TES: variants seen among roughly 807,000 people sequenced by gnomAD.
TES encodes the protein testin LIM domain protein.
Under a neutral mutation model 48.2 loss-of-function variants are expected in TES, and 41 were observed. That is an observed-to-expected ratio of 0.85 (90% CI 0.66 to 1.10). TES has a LOEUF of 1.10. TES is among the 50% of genes least tolerant of loss of function. The probability of loss-of-function intolerance (pLI) is 0.00; values close to 1 mark genes in which losing one functional copy is unlikely to be tolerated. For missense variants in TES, 463 were observed against 515.1 expected (o/e 0.90, Z 0.98); for synonymous variants, 162 against 174.9 (o/e 0.93, Z 0.58).
At chr7:116,242,922 C>A (rs1188637290) in intron 2 of TES, among the ~76,000 whole-genome samples, 1 of 152,056 alleles carries the variant, frequency 6.6e-6, no homozygotes, top group African/African-American at 2.4e-5. Flanking sequence ...AGGTTGCTTT[C>A]TTGCTTCACA....
intron 1 of TES, among the ~76,000 whole-genome samples, chr7:116,227,088 TTTTATTTATTTATTTATTTATTTATTTA>T (rs10562977): frequency 2.1e-5 from 3 of 140,172 alleles, no homozygotes; most frequent in Non-Finnish European, 4.6e-5. Flanking sequence ...ACACTTTTTA[TTTTATTTATTTATTTATTTATTTATTTA>T]TTTATTTATT....
At chr7:116,214,545 G>A (rs758907386) in intron 1 of TES, among the ~76,000 whole-genome samples, 5 of 152,172 alleles carry the variant, frequency 3.3e-5, no homozygotes, top group Non-Finnish European at 5.9e-5. Flanking sequence ...AGAAGAAAAT[G>A]AGTGGTCCTC....
intron 2 of TES, among the ~76,000 whole-genome samples, chr7:116,245,253 C>G (rs1230837652): frequency 6.6e-6 from 1 of 152,126 alleles, no homozygotes; most frequent in Non-Finnish European, 1.5e-5. Flanking sequence ...AACTTTTATC[C>G]TCCGTCACCT....
At chr7:116,238,121 A>G (rs1417815256) in intron 2 of TES, 1 of 152,160 alleles carries the variant, frequency 6.6e-6, no homozygotes, top group Non-Finnish European at 1.5e-5. Context: ...ACAGAAAGCC[A>G]GGAGATAAAT....
intron 1 of TES, among the ~76,000 whole-genome samples, chr7:116,220,664 CT>C (rs1799545033): frequency 6.6e-6 from 1 of 152,038 alleles, no homozygotes; most frequent in African/African-American, 2.4e-5. Flanking sequence ...TTAGTTAGAC[CT>C]TAGTACCAAT....
chr7:116,221,006 ATT>A (rs1799549928), intron 1 of TES, among the ~76,000 whole-genome samples: 1 of 152,150 alleles, frequency 6.6e-6, no homozygotes, highest in Non-Finnish European at 1.5e-5. Context: ...ACCTGAATAT[ATT>A]GTCAAGAATT....
At chr7:116,212,276 G>A (rs1236692788) in intron 1 of TES, among the ~76,000 whole-genome samples, 2 of 152,140 alleles carry the variant, frequency 1.3e-5, no homozygotes, top group South Asian at 2.1e-4. Context: ...TGAAGCACAG[G>A]ATTTTTAGGG....
At chr7:116,245,556 C>T (rs1273515482) in intron 2 of TES, among the ~76,000 whole-genome samples, 1 of 152,172 alleles carries the variant, frequency 6.6e-6, no homozygotes, top group Non-Finnish European at 1.5e-5. Flanking sequence ...CTTCTGAGCC[C>T]TCCAAGTCTC....
intron 2 of TES, among the ~76,000 whole-genome samples, chr7:116,240,873 C>G (rs1321166108): frequency 6.6e-6 from 1 of 152,128 alleles, no homozygotes; most frequent in African/African-American, 2.4e-5. Flanking sequence ...CTGTTTAAAT[C>G]TATATATATC....
chr7:116,248,965 C>G, intron 2 of TES, 55 bp from the exon 3 acceptor site: 1 of 1,476,198 alleles, frequency 6.8e-7, no homozygotes, highest in Admixed American at 2.3e-5. Context: ...AATGTATGAA[C>G]ATAAATATCA....
chr7:116,248,147 T>G (rs1422307994), intron 2 of TES, among the ~76,000 whole-genome samples: 1 of 152,232 alleles, frequency 6.6e-6, no homozygotes, highest in Non-Finnish European at 1.5e-5. Context: ...GGACATGATT[T>G]CATTCTTTTT....
At chr7:116,232,484 CAT>C (rs1799712318) in intron 1 of TES, among the ~76,000 whole-genome samples, 1 of 152,152 alleles carries the variant, frequency 6.6e-6, no homozygotes, top group Non-Finnish European at 1.5e-5. Context: ...TAGTATGAAT[CAT>C]ATCCATACTC....
intron 1 of TES, among the ~76,000 whole-genome samples, chr7:116,213,888 A>G (rs912077872): frequency 1.3e-5 from 2 of 152,152 alleles, no homozygotes; most frequent in East Asian, 1.9e-4. Context: ...AGAAGCAGAA[A>G]CAGTCTCATT....
intron 6 of TES, among the ~76,000 whole-genome samples, chr7:116,254,922 C>T (rs947682941): frequency 6.6e-5 from 10 of 152,060 alleles, no homozygotes; most frequent in Admixed American, 5.9e-4. Context: ...GAGCTACCCA[C>T]ACAGCATGCT....
At position 116,251,847 on chromosome 7, in the gene TES, G is replaced by C; in HGVS notation, c.790G>C (p.Ala264Pro). Reference sequence around the variant, plus strand: ...TGGCTATGATAAACTGTGGCACCCAGCTTGTTTTGTCTGCAGCACCTGCCA... The same window carrying C: ...TGGCTATGATAAACTGTGGCACCCACCTTGTTTTGTCTGCAGCACCTGCCA... ...RAGYDKLWHP[A>P]CFVCSTCHEL... The change falls in exon 5 of 7, where the codon GCT becomes CCT. Residue 264 changes from alanine to proline, a missense_variant. By Grantham distance (27) the Ala-to-Pro change is conservative (BLOSUM62 -1). Coordinates refer to ENST00000358204, the MANE Select transcript of TES (RefSeq NM_015641.4). The C allele has an allele frequency of 1.2e-6, 2 of 1,614,156 alleles. No individual in the cohort carries two copies. Among genetic ancestry groups the C allele is most frequent in the Non-Finnish European group, 1.7e-6 (2 of 1,180,026 alleles).
chr7:116,234,077 T>C (rs1047127847), intron 1 of TES, among the ~76,000 whole-genome samples: 2 of 152,146 alleles, frequency 1.3e-5, no homozygotes, highest in Non-Finnish European at 2.9e-5. Flanking sequence ...GCTATTATAA[T>C]AATATTTATC....
chr7:116,222,395 A>G (rs1799567769), intron 1 of TES, among the ~76,000 whole-genome samples: 2 of 152,088 alleles, frequency 1.3e-5, no homozygotes, highest in South Asian at 4.1e-4. Flanking sequence ...CCCTCAGCCA[A>G]TGCCATGAGC....
intron 1 of TES, among the ~76,000 whole-genome samples, chr7:116,215,224 A>T (rs1314940636): frequency 6.6e-6 from 1 of 152,172 alleles, no homozygotes; most frequent in Non-Finnish European, 1.5e-5. Context: ...TGCTTCCATC[A>T]TGCCAACTAG....
intron 1 of TES, among the ~76,000 whole-genome samples, chr7:116,231,842 G>A (rs1447286540): frequency 2.0e-5 from 3 of 151,542 alleles, no homozygotes; most frequent in African/African-American, 7.3e-5. Context: ...CCCACCCCCA[G>A]CTCCCCATTT....
Sources: allele counts gnomAD v4.1 joint callset (sites outside exome capture counted in the v4.1 genomes callset), GRCh38; gene constraint gnomAD v4.1.1; transcripts MANE v1.5; gene names NCBI Gene and HGNC (gene_info 2026-07-23, HGNC 2026-07-21).